RRP1B: variants seen among roughly 807,000 people sequenced by gnomAD.
RRP1B encodes ribosomal RNA processing 1B.
In RRP1B, 56 loss-of-function variants were observed where a neutral mutation model predicts 80.2. The observed-to-expected ratio is 0.70, with a 90% CI of 0.56 to 0.87. The LOEUF (loss-of-function observed/expected upper bound fraction) is 0.87, where lower values mean the gene tolerates loss of function less well. RRP1B is among the 40% of genes least tolerant of loss of function. The probability of loss-of-function intolerance (pLI) is 0.00; values close to 1 mark genes in which losing one functional copy is unlikely to be tolerated. For synonymous variants in RRP1B, 351 were observed against 357.6 expected (o/e 0.98, Z 0.21); for missense variants, 807 against 939.8 (o/e 0.86, Z 1.85).
Position 43,695,276 on chromosome 21 carries a change from C to T in RRP1B, c.*1893C>T, listed in dbSNP as rs2083103138. On this transcript the variant is annotated 3_prime_UTR_variant, in exon 16 of 16. Transcript: ENST00000340648. Reference sequence around the variant, plus strand: ...TAGCCAAACGGGCCATATAATCCAACATTGTTGAGATGTCTTAGGACATCT... The same window carrying T: ...TAGCCAAACGGGCCATATAATCCAATATTGTTGAGATGTCTTAGGACATCT... 6.6e-6 allele frequency: 1 copy of T among 151,956 alleles called. No individual in the cohort carries two copies. 9.4% of individuals were successfully genotyped at this position (151,956 alleles called of 1,614,324 possible).
Position 43,691,495 on chromosome 21 carries a change from G to T in RRP1B, c.2076G>T (p.Met692Ile). ...KKVTFGLNRN[M>I]TAEFKKTDKS... ...TCACCTTTGGGCTGAACAGAAACATGACTGCCGGTAAGTGGGGTTTTGCCA... is the reference window on the plus strand; with the variant it reads ...TCACCTTTGGGCTGAACAGAAACATTACTGCCGGTAAGTGGGGTTTTGCCA... Residue 692 changes from methionine (M) to isoleucine (I), a missense_variant, in exon 15 of 16, where the codon ATG (methionine) becomes ATT (isoleucine). Transcript: ENST00000340648. The surrounding 1 kb of genome is among the most constrained non-coding windows in gnomAD (Gnocchi z 4.2). 1.2e-6 allele frequency: 2 copies of T among 1,614,050 alleles called. No homozygotes were observed. Among genetic ancestry groups the T allele is most frequent in the South Asian group, 2.2e-5 (2 of 91,026 alleles).
At chr21:43,677,736 A>G (rs1258395093) in intron 8 of RRP1B, among the ~76,000 whole-genome samples, 2 of 152,172 alleles carry the variant, frequency 1.3e-5, no homozygotes, top group Admixed American at 1.3e-4. Context: ...TTGTGCTTTT[A>G]TTTTAAGTGA....
At position 43,694,383 on chromosome 21, in the gene RRP1B, G is replaced by A. The variant is rs1478365499; in HGVS notation, c.*1000G>A. 2 of 152,268 alleles carry A rather than the reference G, an allele frequency of 1.3e-5. No individual in the cohort carries two copies. The allele number at this position is 152,268 out of a possible 1,614,324, so 9.4% of individuals were successfully genotyped here. A position where few individuals can be genotyped will look rare whatever the true frequency, so the allele number is the denominator to read the frequency against. Reference sequence around the variant, plus strand: ...CTGTAAGTTCATTACAAACACGGGCGGAAGGCACTCAGGCTTTCGTTGGAG... The same window carrying A: ...CTGTAAGTTCATTACAAACACGGGCAGAAGGCACTCAGGCTTTCGTTGGAG... On this transcript the variant is annotated 3_prime_UTR_variant, in exon 16 of 16. Transcript: ENST00000340648.
chr21:43,688,120 C>G lies in RRP1B; in HGVS notation c.1746C>G (p.Leu582=), dbSNP rs764885285. The change falls in exon 13 of 16, where the codon CTC becomes CTG. Residue 582 remains leucine, a synonymous_variant. Transcript: ENST00000340648. ...KKKAGPGSLE[L]CGLPSQKTAS... is the part of the protein sequence containing the mutation. ...AGGCAGGGCCCGGCAGCCTGGAGCTCTGTGGCCTGCCCAGCCAGAAAACAG... is the reference window on the plus strand; with the variant it reads ...AGGCAGGGCCCGGCAGCCTGGAGCTGTGTGGCCTGCCCAGCCAGAAAACAG... 3.8e-5 allele frequency: 60 copies of G among 1,596,828 alleles called. No individual in the cohort carries two copies. In the East Asian group the frequency reaches 1.4e-3, roughly 36 times the overall value.
At chr21:43,662,648 C>CAG (rs34562982) in intron 1 of RRP1B, among the ~76,000 whole-genome samples, 108,738 of 152,046 alleles carry the variant, frequency 0.72, 39,830 homozygotes, top group African/African-American at 0.87. Context: ...CTTTAAGTAA[C>CAG]AGTGTTGCGC....
intron 7 of RRP1B, among the ~76,000 whole-genome samples, 178 bp from the exon 8 acceptor site, chr21:43,676,555 G>A (rs982422470): frequency 2.0e-5 from 3 of 152,336 alleles, no homozygotes; most frequent in Admixed American, 1.3e-4. Flanking sequence ...AGATCTGACC[G>A]CTGGGCGTCC....
At position 43,670,611 on chromosome 21, in the gene RRP1B, T is replaced by C. The variant is rs2082995761; in HGVS notation, c.213+645T>C. Among the ~76,000 whole-genome samples the C allele has an allele frequency of 2.6e-5, 4 of 152,262 alleles. No individual in the cohort carries two copies. In the South Asian group the frequency reaches 8.3e-4, roughly 32 times the overall value. ...CAGGCTTGTCCAACCCACAGCCACA[T>C]GTGGCCCAGGATGGCTTTGAATGCA... On this transcript the variant is annotated intron_variant, in intron 2 of 15. Coordinates refer to ENST00000340648, the MANE Select transcript of RRP1B (RefSeq NM_015056.3).
Position 43,659,905 on chromosome 21 carries a change from C to A in RRP1B, c.130+111C>A. The A allele has an allele frequency of 8.3e-7, 1 of 1,204,060 alleles. No homozygotes were observed. The highest frequency in any genetic ancestry group is 1.1e-6 in the Non-Finnish European group (1 of 922,924). 74.6% of individuals were successfully genotyped at this position (1,204,060 alleles called of 1,614,324 possible). A position where few individuals can be genotyped will look rare whatever the true frequency, so the allele number is the denominator to read the frequency against. ...CGGCTTCCACGTGTTGTCGTGACAC[C>A]CAGCGTGTGCTTCGGTTTCCGCGCT... is the stretch of plus-strand genomic sequence containing the variant. On this transcript the variant is annotated intron_variant, in intron 1 of 15. Transcript: ENST00000340648. This position sits in a 1 kb window ranked among gnomAD's most constrained non-coding sequence, Gnocchi z 4.2.
chr21:43,675,228 G>C, intron 6 of RRP1B, 65 bp downstream of exon 6: 1 of 1,533,320 alleles, frequency 6.5e-7, no homozygotes, highest in South Asian at 1.2e-5. Context: ...GTAGTCGCCA[G>C]TGAAGTGCTG....
At chr21:43,684,688 C>G in intron 10 of RRP1B, 38 bp downstream of exon 10, 1 of 1,513,834 alleles carries the variant, frequency 6.6e-7, no homozygotes, top group Non-Finnish European at 9.2e-7. Flanking sequence ...ATCATCATTC[C>G]TTTAGTTCTC....
At chr21:43,673,728 C>T in intron 3 of RRP1B, 142 bp from the exon 4 acceptor site, 1 of 518,230 alleles carries the variant, frequency 1.9e-6, no homozygotes, top group South Asian at 3.3e-5. Context: ...ATTTAATTAT[C>T]AACAGATTTT....
Position 43,676,730 on chromosome 21 carries a change from C to G in RRP1B, c.615-3C>G. The G allele has an allele frequency of 6.2e-7, 1 of 1,613,120 alleles. No individual in the cohort carries two copies. The highest frequency in any genetic ancestry group is 8.5e-7 in the Non-Finnish European group (1 of 1,179,592). On this transcript the variant is annotated splice_region_variant and splice_polypyrimidine_tract_variant and intron_variant, in intron 7 of 15. Transcript: ENST00000340648. ...ATGCTCTCCGCTGTGCTTCTACCCTCAGCCACACCCTGGTACAGACCATAG... is the reference window on the plus strand; with the variant it reads ...ATGCTCTCCGCTGTGCTTCTACCCTGAGCCACACCCTGGTACAGACCATAG...
intron 10 of RRP1B, 150 bp from the exon 11 acceptor site, chr21:43,685,620 C>T (rs1699142475): frequency 2.2e-5 from 12 of 537,692 alleles, no homozygotes; most frequent in Non-Finnish European, 3.4e-5. Context: ...TGTCTAGCCT[C>T]CCCTCCTGGA....
At chr21:43,670,037 C>A in intron 2 of RRP1B, 71 bp downstream of exon 2, 2 of 1,111,352 alleles carry the variant, frequency 1.8e-6, no homozygotes, top group Non-Finnish European at 2.6e-6. Context: ...ATCACTCATG[C>A]TGTGCCAGTC....
At chr21:43,660,146 CG>C (rs2082944853) in intron 1 of RRP1B, among the ~76,000 whole-genome samples, 1 of 152,172 alleles carries the variant, frequency 6.6e-6, no homozygotes, top group Admixed American at 6.5e-5. Flanking sequence ...AGCACCTTTA[CG>C]TGACGGGGCT....
intron 8 of RRP1B, 54 bp downstream of exon 8, chr21:43,676,968 G>A (rs2083025439): frequency 6.4e-7 from 1 of 1,551,204 alleles, no homozygotes; most frequent in South Asian, 1.2e-5. Flanking sequence ...ATCCTCCTCA[G>A]ACAAACAGTT....
chr21:43,680,431 G>A (rs1038521710), intron 8 of RRP1B, among the ~76,000 whole-genome samples: 2 of 152,084 alleles, frequency 1.3e-5, no homozygotes, highest in African/African-American at 4.8e-5. Flanking sequence ...AGGCATGGTG[G>A]CACATGCCTG....
chr21:43,660,530 C>A (rs1448113887), intron 1 of RRP1B, among the ~76,000 whole-genome samples: 1 of 152,264 alleles, frequency 6.6e-6, no homozygotes, highest in South Asian at 2.1e-4. Context: ...GCATTGCACT[C>A]CGGCCTGGGC....
rs1478903245 is a variant in RRP1B, at chr21:43,690,305, C to G, written c.1884C>G (p.Cys628Trp). 8 of 1,614,212 alleles carry G rather than the reference C, an allele frequency of 5.0e-6. No individual in the cohort carries two copies. Among genetic ancestry groups the G allele is most frequent in the Non-Finnish European group, 5.9e-6 (7 of 1,180,014 alleles). Reference sequence around the variant, plus strand: ...TCACGTAGGGAAGCAGTGGGACTTGCAGTTCCCTGAAGAAGCAGAAGCTGA... The same window carrying G: ...TCACGTAGGGAAGCAGTGGGACTTGGAGTTCCCTGAAGAAGCAGAAGCTGA... ...QPQALGSSGT[C>W]SSLKKQKLRA... The change falls in exon 14 of 16, where the codon TGC becomes TGG. Residue 628 changes from cysteine to tryptophan, a missense_variant. Cys to Trp is a radical substitution (Grantham distance 215, BLOSUM62 -2). Transcript: ENST00000340648.
Sources: gnomAD v4.1 joint callset for allele counts (sites outside exome capture counted in the v4.1 genomes callset) on GRCh38, gnomAD v4.1.1 for gene constraint, Gnocchi (gnomAD v3.1) non-coding constraint, MANE v1.5 for transcripts, NCBI Gene and HGNC (gene_info 2026-07-23, HGNC 2026-07-21) for gene names.